Variants in SAMD13 observed in about 807,000 individuals in gnomAD.
The protein encoded by SAMD13 is sterile alpha motif domain containing 13.
In SAMD13, 9 loss-of-function variants were observed where a neutral mutation model predicts 12.4. The ratio of observed to expected loss-of-function variants is 0.72; its 90% CI spans 0.44 to 1.26. The LOEUF is 1.26. Ranked by LOEUF, SAMD13 falls within the 50% of genes most tolerant of loss-of-function variation. The pLI is 0.00. For synonymous variants in SAMD13, 46 were observed against 45.4 expected (o/e 1.01, Z -0.05); for missense variants, 84 against 119.6 (o/e 0.70, Z 1.39).
chr1:84,326,232 G>A (rs543737963), intron 3 of SAMD13, among the ~76,000 whole-genome samples: 7 of 152,194 alleles, frequency 4.6e-5, no homozygotes, highest in South Asian at 2.1e-4. Context: ...ATTGATAGTC[G>A]AATCCTGGTT....
intron 3 of SAMD13, among the ~76,000 whole-genome samples, chr1:84,329,369 T>C (rs1452171602): frequency 6.6e-6 from 1 of 152,220 alleles, no homozygotes; most frequent in Non-Finnish European, 1.5e-5. Flanking sequence ...CTGGTATTGA[T>C]GGCAAACATG....
chr1:84,350,039 C>T lies in SAMD13; in HGVS notation c.*265C>T, dbSNP rs969403106. 4.9e-6 allele frequency: 2 copies of T among 411,190 alleles called. No individual in the cohort carries two copies. The highest frequency in any genetic ancestry group is 2.0e-5 in the African/African-American group (1 of 48,808). The allele number at this position is 411,190 out of a possible 1,614,324, so 25.5% of individuals were successfully genotyped here. A position where few individuals can be genotyped will look rare whatever the true frequency, so the allele number is the denominator to read the frequency against. On this transcript the variant is annotated 3_prime_UTR_variant, in exon 4 of 4. Transcript: ENST00000394834. ...CTTTGACACGATTAGACACTCCTCC[C>T]CACAAAGGCTTTGAAATCATAAGGA...
chr1:84,315,143 A>G lies in SAMD13; in HGVS notation c.54-10494A>G, dbSNP rs569361119. Among the ~76,000 whole-genome samples, 5 of 152,058 alleles carry G rather than the reference A, an allele frequency of 3.3e-5. No homozygotes were observed. The South Asian group carries it at 8.3e-4, about 25-fold the overall frequency. The stretch of plus-strand genomic sequence containing the variant: ...ACTCAACAGATTTTTTAAGTGTACG[A>G]TACAGTATTATTATCTGTAGGCACA... On this transcript the variant is annotated intron_variant, in intron 2 of 3. Transcript: ENST00000394834.
intron 3 of SAMD13, among the ~76,000 whole-genome samples, chr1:84,348,720 A>G (rs535032184): frequency 6.6e-6 from 1 of 152,230 alleles, no homozygotes; most frequent in South Asian, 2.1e-4. Flanking sequence ...AAAGCTTTGT[A>G]GTCTCTCCAG....
chr1:84,324,124 A>G (rs1246064315), intron 2 of SAMD13, among the ~76,000 whole-genome samples: 1 of 152,152 alleles, frequency 6.6e-6, no homozygotes, highest in Non-Finnish European at 1.5e-5. Context: ...ACACCACCCT[A>G]GTCTACGCAT....
intron 3 of SAMD13, among the ~76,000 whole-genome samples, chr1:84,340,721 G>A (rs1679405557): frequency 6.6e-6 from 1 of 152,162 alleles, no homozygotes; most frequent in East Asian, 1.9e-4. Flanking sequence ...CCTCTGAGTT[G>A]GGAGCATAGG....
In SAMD13 at chr1:84,325,647, A is replaced by T; in HGVS notation, c.64A>T (p.Asn22Tyr). 1 of 1,610,142 alleles carries T rather than the reference A, an allele frequency of 6.2e-7. No homozygotes were observed. The highest frequency in any genetic ancestry group is 8.5e-7 in the Non-Finnish European group (1 of 1,176,588). ...ATTTGTGTTTTGCAGTTCCATGGAA[A>T]ATGGGAGACCACCTGATCCTGCAGA... Reference protein sequence around the residue: ...GSVGVKNSMENGRPPDPADWA... With the variant: ...GSVGVKNSMEYGRPPDPADWA... The change falls in exon 3 of 4, where the codon AAT (asparagine) becomes TAT (tyrosine). Residue 22 changes from asparagine to tyrosine, a missense_variant. Coordinates refer to ENST00000394834, the MANE Select transcript of SAMD13 (RefSeq NM_001134663.2).
chr1:84,298,572 G>C (rs1678364229), upstream of SAMD13: 2 of 1,283,386 alleles, frequency 1.6e-6, no homozygotes, highest in African/African-American at 3.0e-5. Context: ...GGGGAGGTAA[G>C]TGATCTGCCT....
intron 2 of SAMD13, among the ~76,000 whole-genome samples, chr1:84,324,183 C>T (rs996362924): frequency 2.0e-5 from 3 of 152,180 alleles, no homozygotes; most frequent in Non-Finnish European, 4.4e-5. Context: ...GCTTCTTCCC[C>T]ACTGGCTCCT....
Position 84,326,635 on chromosome 1 carries a change from C to G in SAMD13, c.165+887C>G, listed in dbSNP as rs1174252179. The stretch of plus-strand genomic sequence containing the variant: ...GTGGGTAAACACAGAGTTCCTATTT[C>G]TCTACCAACGAAGGCTGCAGTTTTC... On this transcript the variant is annotated intron_variant, in intron 3 of 3. Coordinates refer to ENST00000394834, the MANE Select transcript of SAMD13 (RefSeq NM_001134663.2). Among the ~76,000 whole-genome samples, 4 of 152,172 alleles carry G rather than the reference C, an allele frequency of 2.6e-5. No individual in the cohort carries two copies. The South Asian group carries it at 6.2e-4, about 24-fold the overall frequency.
At chr1:84,298,546 C>T (rs748625318), upstream of SAMD13, 2 of 1,267,512 alleles carry the variant, frequency 1.6e-6, no homozygotes, top group South Asian at 3.8e-5. Context: ...GGGCAAACCT[C>T]CCGGCGCGGC....
chr1:84,344,613 A>G (rs2101821062), intron 3 of SAMD13: 1 of 304,464 alleles, frequency 3.3e-6, no homozygotes, highest in Non-Finnish European at 6.4e-6. Context: ...TTCCTTTCCA[A>G]CCTTATATGG....
intron 2 of SAMD13, among the ~76,000 whole-genome samples, chr1:84,308,807 G>A (rs967563955): frequency 2.0e-5 from 3 of 152,006 alleles, no homozygotes; most frequent in Non-Finnish European, 2.9e-5. Context: ...AAAAAAGCCA[G>A]TTTATTAATT....
At chr1:84,348,161 C>T (rs930743808) in intron 3 of SAMD13, among the ~76,000 whole-genome samples, 29 of 152,152 alleles carry the variant, frequency 1.9e-4, no homozygotes, top group African/African-American at 6.3e-4. Flanking sequence ...GCTCAGGGAG[C>T]ATTTGCAAGA....
At chr1:84,328,621 A>G (rs942881918) in intron 3 of SAMD13, among the ~76,000 whole-genome samples, 3 of 152,140 alleles carry the variant, frequency 2.0e-5, no homozygotes, top group East Asian at 3.8e-4. Context: ...TGAGGATTGG[A>G]TCCTCTACCA....
chr1:84,327,359 C>CATTTAG (rs1679080814), intron 3 of SAMD13, among the ~76,000 whole-genome samples: 1 of 152,004 alleles, frequency 6.6e-6, no homozygotes, highest in South Asian at 2.1e-4. Flanking sequence ...TGAATGGTTC[C>CATTTAG]ATTTAGATAA....
intron 2 of SAMD13, among the ~76,000 whole-genome samples, chr1:84,321,413 C>T (rs1047122060): frequency 6.6e-6 from 1 of 151,974 alleles, no homozygotes; most frequent in Non-Finnish European, 1.5e-5. Context: ...ATACATTTAT[C>T]ATATTAACAT....
intron 2 of SAMD13, among the ~76,000 whole-genome samples, chr1:84,310,290 C>T (rs1234516711): frequency 6.6e-6 from 1 of 152,000 alleles, no homozygotes; most frequent in Non-Finnish European, 1.5e-5. Flanking sequence ...TTCAGCTTCT[C>T]TGGGCCACAT....
At chr1:84,325,820 C>A in intron 3 of SAMD13, 72 bp downstream of exon 3, 1 of 899,774 alleles carries the variant, frequency 1.1e-6, no homozygotes, top group Non-Finnish European at 1.8e-6. Flanking sequence ...CAACAGTGGG[C>A]AGAAGGGAGT....
Sources: gnomAD v4.1 joint callset for allele counts (sites outside exome capture counted in the v4.1 genomes callset) on GRCh38, gnomAD v4.1.1 for gene constraint, MANE v1.5 for transcripts, NCBI Gene and HGNC (gene_info 2026-07-23, HGNC 2026-07-21) for gene names.